Variants in PRKD1 observed in about 807,000 individuals in gnomAD.
PRKD1 encodes the protein protein kinase D1, also known as serine/threonine-protein kinase D1.
Under a neutral mutation model 95.9 loss-of-function variants are expected in PRKD1, and 63 were observed. The ratio of observed to expected loss-of-function variants is 0.66; its 90% CI spans 0.54 to 0.81. The LOEUF (loss-of-function observed/expected upper bound fraction) is 0.81. Among genes scored for constraint, PRKD1 ranks in the 30% least tolerant of loss-of-function variants. The probability of loss-of-function intolerance (pLI) is 0.00; values close to 1 mark genes in which losing one functional copy is unlikely to be tolerated. For missense variants in PRKD1, 1,048 were observed against 1,165.3 expected, an observed-to-expected ratio of 0.90 and a Z score of 1.47; for synonymous variants, 425 against 423.1, an observed-to-expected ratio of 1.00 and a Z score of -0.05.
intron 1 of PRKD1, among the ~76,000 whole-genome samples, chr14:29,759,256 G>A (rs980987357): frequency 6.6e-6 from 1 of 151,814 alleles, no homozygotes; most frequent in Admixed American, 6.6e-5. Flanking sequence ...AAAAAAAAAA[G>A]AAGAGAAAAA....
chr14:29,910,371 G>C (rs1202878248), intron 1 of PRKD1, among the ~76,000 whole-genome samples: 1 of 152,130 alleles, frequency 6.6e-6, no homozygotes, highest in Non-Finnish European at 1.5e-5. Context: ...CCGAACATCA[G>C]AAGGAACAAA....
intron 1 of PRKD1, among the ~76,000 whole-genome samples, chr14:29,853,302 T>C (rs1944304249): frequency 6.6e-6 from 1 of 152,252 alleles, no homozygotes; most frequent in Admixed American, 6.5e-5. Context: ...AATGCACTTC[T>C]GTGCACCCTA....
chr14:29,798,208 AT>A (rs979445184), intron 1 of PRKD1, among the ~76,000 whole-genome samples: 3 of 152,082 alleles, frequency 2.0e-5, no homozygotes, highest in African/African-American at 4.8e-5. Flanking sequence ...TTGCCCCTAT[AT>A]TTTTTTCTTT....
chr14:29,746,430 A>G (rs772526970), intron 1 of PRKD1, among the ~76,000 whole-genome samples: 10 of 152,046 alleles, frequency 6.6e-5, no homozygotes, highest in Non-Finnish European at 1.2e-4. Flanking sequence ...TTGGCTTGGA[A>G]CATTCTTCCA....
chr14:29,773,295 A>G (rs954250456), intron 1 of PRKD1, among the ~76,000 whole-genome samples: 5 of 152,002 alleles, frequency 3.3e-5, no homozygotes, highest in African/African-American at 1.2e-4. Flanking sequence ...ACCCCACTCT[A>G]CTAAAAATAC....
intron 1 of PRKD1, among the ~76,000 whole-genome samples, chr14:29,812,878 G>A (rs1415649229): frequency 2.0e-5 from 3 of 152,162 alleles, no homozygotes; most frequent in Non-Finnish European, 4.4e-5. Flanking sequence ...GGAGGCCAAG[G>A]CAGGTGGATC....
chr14:29,828,848 T>A (rs967968633), intron 1 of PRKD1, among the ~76,000 whole-genome samples: 6 of 152,178 alleles, frequency 3.9e-5, no homozygotes, highest in African/African-American at 1.4e-4. Context: ...TGTATCACTT[T>A]CCGTGAAATC....
intron 1 of PRKD1, among the ~76,000 whole-genome samples, chr14:29,766,538 G>A (rs542639909): frequency 3.9e-5 from 6 of 152,274 alleles, no homozygotes; most frequent in African/African-American, 1.4e-4. Context: ...AAACAGTGCT[G>A]ATAATATGTT....
At chr14:29,792,382 T>C (rs1362468440) in intron 1 of PRKD1, among the ~76,000 whole-genome samples, 1 of 152,084 alleles carries the variant, frequency 6.6e-6, no homozygotes, top group African/African-American at 2.4e-5. Context: ...TATAATTCTG[T>C]AGATGTAGGG....
At chr14:29,888,829 T>C (rs559480138) in intron 1 of PRKD1, among the ~76,000 whole-genome samples, 3 of 152,356 alleles carry the variant, frequency 2.0e-5, no homozygotes, top group South Asian at 4.1e-4. Context: ...AATTCATATA[T>C]ATTCACCCTT....
intron 1 of PRKD1, among the ~76,000 whole-genome samples, chr14:29,918,122 C>G (rs957109553): frequency 6.6e-6 from 1 of 151,870 alleles, no homozygotes; most frequent in African/African-American, 2.4e-5. Context: ...ACCACACACA[C>G]AAGAAAAGAT....
intron 1 of PRKD1, among the ~76,000 whole-genome samples, chr14:29,750,076 T>G (rs1262855813): frequency 6.6e-6 from 1 of 152,162 alleles, no homozygotes; most frequent in African/African-American, 2.4e-5. Flanking sequence ...AAGTCATTAT[T>G]TGAGGACTCT....
chr14:29,796,116 A>G (rs1889805517), intron 1 of PRKD1, among the ~76,000 whole-genome samples: 1 of 152,184 alleles, frequency 6.6e-6, no homozygotes. Flanking sequence ...ATTGGATTAC[A>G]TGGTACATTG....
At chr14:29,626,579 A>G in intron 11 of PRKD1, 23 bp from the exon 12 acceptor site, 1 of 1,520,380 alleles carries the variant, frequency 6.6e-7, no homozygotes, top group Non-Finnish European at 8.9e-7. Context: ...GCCCAATGAA[A>G]AAAAAACATG....
intron 1 of PRKD1, among the ~76,000 whole-genome samples, chr14:29,885,311 T>C (rs796749517): frequency 5.3e-5 from 8 of 152,162 alleles, no homozygotes; most frequent in African/African-American, 1.7e-4. Flanking sequence ...ATAAAATGTA[T>C]AGCTTTATTT....
chr14:29,796,920 A>T (rs1431329726), intron 1 of PRKD1, among the ~76,000 whole-genome samples: 1 of 152,206 alleles, frequency 6.6e-6, no homozygotes, highest in Non-Finnish European at 1.5e-5. Flanking sequence ...CAGGTGTAAG[A>T]GTTTTTGTTG....
intron 1 of PRKD1, among the ~76,000 whole-genome samples, chr14:29,857,700 C>G (rs1466497598): frequency 6.6e-6 from 1 of 152,108 alleles, no homozygotes; most frequent in African/African-American, 2.4e-5. Context: ...TAGAATGCCA[C>G]AAAGCACTTT....
At chr14:29,926,860 T>A in intron 1 of PRKD1, among the ~76,000 whole-genome samples, 1 of 151,904 alleles carries the variant, frequency 6.6e-6, no homozygotes, top group East Asian at 2.0e-4. Flanking sequence ...GAAGGAGGAT[T>A]CCTGCACCAG....
At chr14:29,870,096 G>C (rs2139375534) in intron 1 of PRKD1, among the ~76,000 whole-genome samples, 1 of 152,208 alleles carries the variant, frequency 6.6e-6, no homozygotes, top group Non-Finnish European at 1.5e-5. Flanking sequence ...TGAAACCCTT[G>C]GTTCAGATTT....
Sources: gnomAD v4.1 joint callset for allele counts (sites outside exome capture counted in the v4.1 genomes callset) on GRCh38, gnomAD v4.1.1 for gene constraint, MANE v1.5 for transcripts, NCBI Gene and HGNC (gene_info 2026-07-23, HGNC 2026-07-21) for gene names.